SUMF1: variants seen among roughly 807,000 people sequenced by gnomAD.
The protein encoded by SUMF1 is formylglycine-generating enzyme.
In SUMF1, 48 loss-of-function variants were observed where a neutral mutation model predicts 47.6. That is an observed-to-expected ratio of 1.01 (90% confidence interval 0.80 to 1.28). The LOEUF (loss-of-function observed/expected upper bound fraction) is 1.28. Among genes scored for constraint, SUMF1 ranks in the 50% most tolerant of loss-of-function variants. SUMF1 has a pLI of 0.00. For missense variants in SUMF1, 571 were observed against 485.4 expected (o/e 1.18, Z -1.66); for synonymous variants, 230 against 192.1 (o/e 1.20, Z -1.63).
intron 8 of SUMF1, among the ~76,000 whole-genome samples, chr3:4,072,194 C>T (rs1272515138): frequency 1.3e-5 from 2 of 152,144 alleles, no homozygotes; most frequent in African/African-American, 2.4e-5. Flanking sequence ...AGACCTGCAG[C>T]TAAGTGGCCT....
At chr3:4,446,071 T>C (rs1702770157) in intron 3 of SUMF1, among the ~76,000 whole-genome samples, 1 of 152,186 alleles carries the variant, frequency 6.6e-6, no homozygotes, top group Non-Finnish European at 1.5e-5. Context: ...CCTGCAACAA[T>C]GGTTAAGAAA....
intron 8 of SUMF1, among the ~76,000 whole-genome samples, chr3:4,213,207 A>G (rs1695838417): frequency 6.6e-6 from 1 of 152,278 alleles, no homozygotes; most frequent in Non-Finnish European, 1.5e-5. Context: ...GACTAACAGC[A>G]AATCTCTCTG....
chr3:4,131,701 T>A (rs550664794), intron 8 of SUMF1, among the ~76,000 whole-genome samples: 1 of 152,150 alleles, frequency 6.6e-6, no homozygotes, highest in Admixed American at 6.5e-5. Flanking sequence ...GGGGAAGAGG[T>A]ACGTGGATGA....
At chr3:4,345,239 C>A (rs1466737057) in intron 8 of SUMF1, among the ~76,000 whole-genome samples, 1 of 152,194 alleles carries the variant, frequency 6.6e-6, no homozygotes, top group Non-Finnish European at 1.5e-5. Context: ...TCGTCAGATT[C>A]TCCAAGGTCG....
chr3:4,164,746 A>C (rs1352087404), intron 8 of SUMF1, among the ~76,000 whole-genome samples: 2 of 152,050 alleles, frequency 1.3e-5, no homozygotes, highest in African/African-American at 4.8e-5. Flanking sequence ...TAATGCCTCC[A>C]GATTTTTTTC....
chr3:4,088,923 A>G (rs1692727043), intron 8 of SUMF1, among the ~76,000 whole-genome samples: 1 of 152,170 alleles, frequency 6.6e-6, no homozygotes, highest in Non-Finnish European at 1.5e-5. Context: ...GAATGAATAT[A>G]TGGACAAATG....
chr3:4,253,043 G>A (rs79716701), intron 8 of SUMF1, among the ~76,000 whole-genome samples: 1 of 152,096 alleles, frequency 6.6e-6, no homozygotes, highest in Admixed American at 6.5e-5. Flanking sequence ...TTCCATAAGA[G>A]TTTTAAATTT....
At chr3:4,342,142 A>G (rs1384694574) in intron 8 of SUMF1, among the ~76,000 whole-genome samples, 2 of 152,210 alleles carry the variant, frequency 1.3e-5, no homozygotes, top group Admixed American at 6.5e-5. Context: ...GTCAAAACTC[A>G]GGTCATTTAG....
chr3:4,350,163 G>A (rs1699463248), intron 8 of SUMF1, among the ~76,000 whole-genome samples: 1 of 151,660 alleles, frequency 6.6e-6, no homozygotes, highest in Non-Finnish European at 1.5e-5. Flanking sequence ...ACCACGCCAG[G>A]CTAATTTTTG....
chr3:4,132,629 C>T (rs190754587), intron 8 of SUMF1, among the ~76,000 whole-genome samples: 33 of 152,166 alleles, frequency 2.2e-4, no homozygotes, highest in Admixed American at 1.8e-3. Flanking sequence ...CTGGCCTAGA[C>T]GTCTTAGTTC....
intron 8 of SUMF1, among the ~76,000 whole-genome samples, chr3:4,274,642 G>GT (rs1293367925): frequency 6.6e-6 from 1 of 152,146 alleles, no homozygotes; most frequent in African/African-American, 2.4e-5. Flanking sequence ...ATAGGGATAG[G>GT]TTTTCCCCTG....
intron 3 of SUMF1, among the ~76,000 whole-genome samples, chr3:4,443,193 G>C (rs1457515738): frequency 6.6e-6 from 1 of 152,092 alleles, no homozygotes; most frequent in Non-Finnish European, 1.5e-5. Flanking sequence ...CAGGAGAATT[G>C]CTTGAGCCCA....
chr3:4,087,214 G>A (rs1002320457), intron 8 of SUMF1, among the ~76,000 whole-genome samples: 1 of 152,210 alleles, frequency 6.6e-6, no homozygotes, highest in East Asian at 1.9e-4. Context: ...CAGACTCTGT[G>A]TGTGACCTCA....
rs375085984 is a variant in SUMF1, at chr3:4,238,859, T to C, written c.1014+137471A>G. ...CATGAAGTATTTGCCCATGCCTATG[T>C]CCTGAATGGTATTGCCCAGGTTTTC... On this transcript the variant is annotated intron_variant and NMD_transcript_variant, in intron 8 of 12. Transcript: ENST00000448413. Among the ~76,000 whole-genome samples the C allele has an allele frequency of 1.6e-4, 24 of 152,344 alleles. No homozygotes were observed. The East Asian group carries it at 4.6e-3, about 29-fold the overall frequency.
chr3:4,401,864 G>A (rs17684934), intron 7 of SUMF1, among the ~76,000 whole-genome samples: 4,058 of 152,180 alleles, frequency 0.027, 78 homozygotes, highest in African/African-American at 0.055. Flanking sequence ...TCCCAGGAGC[G>A]TGATACACTG....
intron 9 of SUMF1, among the ~76,000 whole-genome samples, chr3:4,064,587 T>C (rs1034761582): frequency 1.3e-5 from 2 of 152,170 alleles, no homozygotes; most frequent in African/African-American, 4.8e-5. Context: ...TTCACTCTTC[T>C]GTATGGACTC....
chr3:4,376,398 G>A lies in SUMF1; in HGVS notation c.955-9C>T. The A allele has an allele frequency of 6.2e-7, 1 of 1,614,036 alleles. No homozygotes were observed. The highest frequency in any genetic ancestry group is 8.5e-7 in the Non-Finnish European group (1 of 1,179,918). ...CCAGAAGGGGGACCTTTCTACAGAT[G>A]AAGAAAAAAGGCTATGTTAGACCAG... On this transcript the variant is annotated splice_polypyrimidine_tract_variant and intron_variant, in intron 7 of 8. Coordinates refer to ENST00000272902, the MANE Select transcript of SUMF1 (RefSeq NM_182760.4).
intron 8 of SUMF1, among the ~76,000 whole-genome samples, chr3:4,320,276 G>T (rs1698800635): frequency 6.6e-6 from 1 of 152,168 alleles, no homozygotes. Flanking sequence ...AGTAACTTTG[G>T]AAATTACTGA....
At chr3:4,308,987 G>C (rs1012747214) in intron 8 of SUMF1, among the ~76,000 whole-genome samples, 1 of 152,210 alleles carries the variant, frequency 6.6e-6, no homozygotes, top group African/African-American at 2.4e-5. Context: ...GGAGACATGA[G>C]ACAACAGTCA....
Sources: gnomAD v4.1 joint callset for allele counts (sites outside exome capture counted in the v4.1 genomes callset) on GRCh38, gnomAD v4.1.1 for gene constraint, MANE v1.5 for transcripts, NCBI Gene and HGNC (gene_info 2026-07-23, HGNC 2026-07-21) for gene names.